Variants in ME1 observed in about 807,000 individuals in gnomAD.
The protein encoded by ME1 is malic enzyme 1, also known as NADP-dependent malic enzyme.
A neutral mutation model predicts 66.4 loss-of-function variants in ME1; 74 were observed. The observed-to-expected ratio is 1.11, with a 90% CI of 0.92 to 1.35. The LOEUF (loss-of-function observed/expected upper bound fraction) is 1.35. ME1 is among the 40% of genes most tolerant of loss of function. ME1 has a pLI of 0.00. For missense variants in ME1, 750 were observed against 694.1 expected (o/e 1.08, Z -0.90); for synonymous variants, 251 against 235.6 (o/e 1.07, Z -0.60).
rs1038725288 is a variant in ME1 at position 83,228,813 on chromosome 6, A to T, written c.1132+13T>A. ...TAAGGGGTAGGGGAGAAGGGAGAGG[A>T]GAAAATGCTTACCTATGAGGGCAGT... On this transcript the variant is annotated intron_variant, in intron 10 of 13. Transcript: ENST00000369705. The T allele has an allele frequency of 3.4e-5, 53 of 1,542,974 alleles. No homozygotes were observed. The highest frequency in any genetic ancestry group is 4.7e-5 in the Non-Finnish European group (53 of 1,124,470).
intron 6 of ME1, among the ~76,000 whole-genome samples, chr6:83,302,577 A>G (rs1209634423): frequency 2.6e-5 from 4 of 152,216 alleles, no homozygotes; most frequent in Admixed American, 6.5e-5. Context: ...AATACATATA[A>G]TTACAATACA....
intron 3 of ME1, among the ~76,000 whole-genome samples, chr6:83,387,797 C>A (rs1369652169): frequency 6.6e-6 from 1 of 152,084 alleles, no homozygotes; most frequent in Non-Finnish European, 1.5e-5. Context: ...CATAAAGCAA[C>A]ATAATGGAAC....
intron 1 of ME1, among the ~76,000 whole-genome samples, chr6:83,422,136 G>C (rs909637066): frequency 1.3e-5 from 2 of 152,146 alleles, no homozygotes; most frequent in Non-Finnish European, 2.9e-5. Flanking sequence ...ACTCACTTTT[G>C]AGCTAAACGT....
chr6:83,401,996 AC>A (rs573962699), intron 2 of ME1, among the ~76,000 whole-genome samples: 87 of 152,340 alleles, frequency 5.7e-4, no homozygotes, highest in Non-Finnish European at 1.0e-3. Context: ...TCATGGACTT[AC>A]AAAATGCCTT....
At position 83,325,754 on chromosome 6, in the gene ME1, T is replaced by C. The variant is rs75762847; in HGVS notation, c.601-10341A>G. On this transcript the variant is annotated intron_variant, in intron 5 of 13. Transcript: ENST00000369705. ...TGGAAAAACCTTCCATGCTCATGGA[T>C]AGGAAGAGTCAATATCATGAAACTG... Among the ~76,000 whole-genome samples the C allele has an allele frequency of 2.2e-3, 335 of 152,150 alleles. 2 individuals carry two copies. The highest frequency in any genetic ancestry group is 7.6e-3 in the African/African-American group (316 of 41,500).
At position 83,316,361 on chromosome 6, in the gene ME1, A is replaced by C. The variant is rs190858543; in HGVS notation, c.601-948T>G. Among the ~76,000 whole-genome samples, 20 of 152,296 alleles carry C rather than the reference A, an allele frequency of 1.3e-4. No individual in the cohort carries two copies. In the East Asian group the frequency reaches 3.5e-3, roughly 26 times the overall value. On this transcript the variant is annotated intron_variant, in intron 5 of 13. Transcript: ENST00000369705. ...CAGTTTTGAAATTGAGATATAATTTAAATATAACATACCCATTCATAACAA... is the reference window on the plus strand; with the variant it reads ...CAGTTTTGAAATTGAGATATAATTTCAATATAACATACCCATTCATAACAA...
chr6:83,227,318 T>A lies in ME1; in HGVS notation c.1275+17A>T. The A allele has an allele frequency of 6.7e-7, 1 of 1,494,248 alleles. No individual in the cohort carries two copies. The highest frequency in any genetic ancestry group is 1.9e-4 in the Middle Eastern group (1 of 5,250). 92.6% of individuals were successfully genotyped at this position (1,494,248 alleles called of 1,614,324 possible). A position where few individuals can be genotyped will look rare whatever the true frequency, so the allele number is the denominator to read the frequency against. ...AAAAATTTGATTATTAAAATATCTG[T>A]TATAGTTTTACTTTACCTTGGTTAT... On this transcript the variant is annotated intron_variant, in intron 11 of 13. Coordinates refer to ENST00000369705, the MANE Select transcript of ME1 (RefSeq NM_002395.6).
At chr6:83,323,049 C>T (rs1474597813) in intron 5 of ME1, among the ~76,000 whole-genome samples, 1 of 152,096 alleles carries the variant, frequency 6.6e-6, no homozygotes, top group East Asian at 1.9e-4. Flanking sequence ...CATATACAGC[C>T]AAGATAAGCT....
chr6:83,327,833 C>T (rs774601526), intron 5 of ME1, among the ~76,000 whole-genome samples: 25 of 152,122 alleles, frequency 1.6e-4, no homozygotes, highest in Admixed American at 5.9e-4. Flanking sequence ...TGGGGCATCA[C>T]GGATCCTACC....
At chr6:83,275,411 C>T (rs896096480) in intron 6 of ME1, among the ~76,000 whole-genome samples, 5 of 150,776 alleles carry the variant, frequency 3.3e-5, no homozygotes, top group African/African-American at 9.8e-5. Context: ...ATAAACCGAA[C>T]CATATTGAAA....
At chr6:83,306,058 T>G (rs1458407524) in intron 6 of ME1, among the ~76,000 whole-genome samples, 1 of 152,166 alleles carries the variant, frequency 6.6e-6, no homozygotes, top group Non-Finnish European at 1.5e-5. Flanking sequence ...AAAGACCTTA[T>G]TTTAACCTAC....
At chr6:83,350,356 C>A (rs1768774703) in intron 4 of ME1, among the ~76,000 whole-genome samples, 1 of 152,290 alleles carries the variant, frequency 6.6e-6, no homozygotes, top group South Asian at 2.1e-4. Context: ...GTTGGAAGAA[C>A]AAGAAACATG....
chr6:83,214,498 C>T (rs1308110523), intron 13 of ME1, among the ~76,000 whole-genome samples: 5 of 152,190 alleles, frequency 3.3e-5, no homozygotes, highest in African/African-American at 1.2e-4. Flanking sequence ...CACTCCCATT[C>T]TGAAATTGTC....
chr6:83,405,744 C>T (rs1458392980), intron 2 of ME1, among the ~76,000 whole-genome samples: 38 of 126,908 alleles, frequency 3.0e-4, no homozygotes, highest in South Asian at 2.3e-3. Context: ...TTTTTTGAGA[C>T]GGAGTCTCGC....
At chr6:83,404,189 A>G (rs1036391657) in intron 2 of ME1, among the ~76,000 whole-genome samples, 5 of 152,062 alleles carry the variant, frequency 3.3e-5, no homozygotes, top group Non-Finnish European at 5.9e-5. Flanking sequence ...TTTTTTAATG[A>G]TCGCCATTCT....
chr6:83,397,179 A>G lies in ME1; in HGVS notation c.362+1188T>C, dbSNP rs180682386. Among the ~76,000 whole-genome samples the G allele has an allele frequency of 3.4e-3, 523 of 152,340 alleles. 5 individuals carry two copies. Among genetic ancestry groups the G allele is most frequent in the Non-Finnish European group, 4.1e-3 (282 of 68,026 alleles). On this transcript the variant is annotated intron_variant, in intron 3 of 13. Transcript: ENST00000369705. ...GCTCAGCACAGCAGTCAGTCAACAG[A>G]GTGAAGAGACAACCTATGGAATAGG...
chr6:83,282,678 A>G (rs1562468646), intron 6 of ME1, among the ~76,000 whole-genome samples: 1 of 152,224 alleles, frequency 6.6e-6, no homozygotes, highest in Non-Finnish European at 1.5e-5. Flanking sequence ...AAGTTAGTTC[A>G]ATCATTGTGG....
chr6:83,348,134 T>C (rs1313055597), intron 4 of ME1, among the ~76,000 whole-genome samples: 2 of 152,224 alleles, frequency 1.3e-5, no homozygotes, highest in Non-Finnish European at 2.9e-5. Flanking sequence ...AGATTTTCCA[T>C]GTCAAATAGC....
At chr6:83,294,696 T>C (rs1229931752) in intron 6 of ME1, among the ~76,000 whole-genome samples, 2 of 152,092 alleles carry the variant, frequency 1.3e-5, no homozygotes, top group Non-Finnish European at 2.9e-5. Flanking sequence ...AAGTGCCTTA[T>C]CCACATCTCC....
Sources: allele counts gnomAD v4.1 joint callset (sites outside exome capture counted in the v4.1 genomes callset), GRCh38; gene constraint gnomAD v4.1.1; transcripts MANE v1.5; gene names NCBI Gene and HGNC (gene_info 2026-07-23, HGNC 2026-07-21).